The following ACSS3 variants were observed in gnomAD, a reference collection of about 807,000 sequenced individuals.
The protein encoded by ACSS3 is acyl-CoA synthetase short-chain family member 3, mitochondrial.
A neutral mutation model predicts 84.2 loss-of-function variants in ACSS3; 64 were observed. The ratio of observed to expected loss-of-function variants is 0.76; its 90% CI spans 0.62 to 0.94. ACSS3 has a LOEUF of 0.94. ACSS3 is among the 40% of genes least tolerant of loss of function. The pLI is 0.00. For missense variants in ACSS3, 815 were observed against 867.6 expected (o/e 0.94, Z 0.76); for synonymous variants, 317 against 310.1 (o/e 1.02, Z -0.23).
At chr12:81,165,024 G>A (rs1887332860) in intron 7 of ACSS3, among the ~76,000 whole-genome samples, 1 of 152,150 alleles carries the variant, frequency 6.6e-6, no homozygotes, top group Non-Finnish European at 1.5e-5. Context: ...GAAAAATGAT[G>A]ACTCAGCTAT....
chr12:81,198,515 T>C (rs2031947821), intron 8 of ACSS3, among the ~76,000 whole-genome samples: 1 of 151,148 alleles, frequency 6.6e-6, no homozygotes, highest in African/African-American at 2.4e-5. Flanking sequence ...ACTTTGATGA[T>C]AAATGAATTA....
intron 2 of ACSS3, chr12:81,125,514 T>C (rs1371163056): frequency 6.6e-6 from 1 of 152,242 alleles, no homozygotes; most frequent in Non-Finnish European, 1.5e-5. Context: ...TCTGCCCTCA[T>C]TTTCCTTTCT....
At chr12:81,171,948 T>G (rs1230676352) in intron 7 of ACSS3, among the ~76,000 whole-genome samples, 2 of 152,112 alleles carry the variant, frequency 1.3e-5, no homozygotes, top group African/African-American at 4.8e-5. Context: ...ACAGTGGTAT[T>G]TGTATAGCTA....
intron 10 of ACSS3, among the ~76,000 whole-genome samples, chr12:81,218,890 G>T (rs958819508): frequency 6.6e-6 from 1 of 151,646 alleles, no homozygotes; most frequent in Non-Finnish European, 1.5e-5. Context: ...TATGTTTTGT[G>T]ATTGTTTAGA....
chr12:81,120,194 A>C (rs897092406), intron 2 of ACSS3, among the ~76,000 whole-genome samples: 1 of 152,232 alleles, frequency 6.6e-6, no homozygotes, highest in Admixed American at 6.5e-5. Flanking sequence ...CTGAGAACAA[A>C]ACCAACTGCT....
chr12:81,085,278 C>T (rs912982183), intron 1 of ACSS3, among the ~76,000 whole-genome samples: 1 of 152,136 alleles, frequency 6.6e-6, no homozygotes, highest in African/African-American at 2.4e-5. Context: ...CTCAGTAGAT[C>T]TGTTTGTTCT....
At chr12:81,172,735 A>C (rs568016513) in intron 7 of ACSS3, among the ~76,000 whole-genome samples, 7 of 152,212 alleles carry the variant, frequency 4.6e-5, no homozygotes, top group Non-Finnish European at 1.0e-4. Flanking sequence ...TCTGCATTTA[A>C]TATCATTAAA....
intron 11 of ACSS3, among the ~76,000 whole-genome samples, chr12:81,221,577 A>C (rs574465341): frequency 1.3e-5 from 2 of 152,234 alleles, no homozygotes; most frequent in East Asian, 3.9e-4. Context: ...ACATGTAAGC[A>C]CTATATTACT....
chr12:81,238,243 T>C (rs2033688439), intron 13 of ACSS3, among the ~76,000 whole-genome samples: 1 of 151,598 alleles, frequency 6.6e-6, no homozygotes, highest in African/African-American at 2.4e-5. Context: ...TTCCACACAT[T>C]GGCATCTATG....
intron 2 of ACSS3, among the ~76,000 whole-genome samples, chr12:81,118,850 T>G (rs1884296852): frequency 6.6e-6 from 1 of 152,174 alleles, no homozygotes; most frequent in Non-Finnish European, 1.5e-5. Flanking sequence ...TTCAGGAATT[T>G]ATAGTTTGCC....
chr12:81,107,552 A>ATATATATATATATATATG, intron 1 of ACSS3, among the ~76,000 whole-genome samples: 1 of 103,374 alleles, frequency 9.7e-6, no homozygotes, highest in East Asian at 2.7e-4. Flanking sequence ...ATATATATAT[A>ATATATATATATATATATG]TATATATAAA....
chr12:81,221,045 A>G (rs1381655112), intron 11 of ACSS3, among the ~76,000 whole-genome samples: 2 of 152,038 alleles, frequency 1.3e-5, no homozygotes, highest in Non-Finnish European at 1.5e-5. Flanking sequence ...ACATTTTTTT[A>G]AATTATTGTT....
intron 8 of ACSS3, among the ~76,000 whole-genome samples, chr12:81,186,400 C>G (rs1308154006): frequency 6.6e-6 from 1 of 151,626 alleles, no homozygotes. Flanking sequence ...GCAAAGGAAA[C>G]AGCTAACAAA....
At chr12:81,142,282 T>A (rs951373116) in intron 4 of ACSS3, among the ~76,000 whole-genome samples, 4 of 152,180 alleles carry the variant, frequency 2.6e-5, no homozygotes, top group African/African-American at 9.7e-5. Context: ...TGAGCTCAGC[T>A]AACATCTAAG....
chr12:81,205,615 C>T (rs925549021), intron 9 of ACSS3, among the ~76,000 whole-genome samples: 10 of 151,990 alleles, frequency 6.6e-5, no homozygotes, highest in African/African-American at 2.4e-4. Flanking sequence ...TGAGGATTTG[C>T]TAGGTAAGGT....
intron 13 of ACSS3, among the ~76,000 whole-genome samples, chr12:81,244,476 C>T (rs180752793): frequency 4.5e-4 from 68 of 152,018 alleles, no homozygotes; most frequent in Non-Finnish European, 9.0e-4. Flanking sequence ...TTCTTTTCCT[C>T]TCATTACCGC....
chr12:81,163,140 G>A (rs936055654), intron 7 of ACSS3, among the ~76,000 whole-genome samples: 8 of 152,162 alleles, frequency 5.3e-5, no homozygotes, highest in Non-Finnish European at 1.2e-4. Flanking sequence ...TAGAATGATC[G>A]GTATAGAAAT....
At chr12:81,252,769 T>C (rs1206975626) in intron 13 of ACSS3, among the ~76,000 whole-genome samples, 1 of 152,098 alleles carries the variant, frequency 6.6e-6, no homozygotes, top group East Asian at 1.9e-4. Flanking sequence ...TCTCTCCATA[T>C]CCAGCCTCTT....
chr12:81,078,179 C>T lies in ACSS3; in HGVS notation c.59C>T (p.Pro20Leu). Residue 20 changes from proline (P) to leucine (L), a missense_variant, in exon 1 of 16, where the codon CCC (proline) becomes CTC (leucine). Physicochemically the swap from Pro to Leu is moderately conservative, Grantham distance 98 (BLOSUM62 -3). Coordinates refer to ENST00000548058, the MANE Select transcript of ACSS3 (RefSeq NM_024560.4). Reference sequence around the variant, plus strand: ...ACCAGCGCCGGGGGGCTCGGAGGGCCCTTGCCTGGGTCCTCTCCGGCCCGG... The same window carrying T: ...ACCAGCGCCGGGGGGCTCGGAGGGCTCTTGCCTGGGTCCTCTCCGGCCCGG... ...KVTSAGGLGGPLPGSSPARGA... is the reference protein window; with the variant it reads ...KVTSAGGLGGLLPGSSPARGA... The T allele has an allele frequency of 6.5e-7, 1 of 1,539,824 alleles. No homozygotes were observed. The highest frequency in any genetic ancestry group is 8.7e-7 in the Non-Finnish European group (1 of 1,147,616).
Sources: allele counts gnomAD v4.1 joint callset (sites outside exome capture counted in the v4.1 genomes callset), GRCh38; gene constraint gnomAD v4.1.1; transcripts MANE v1.5; gene names NCBI Gene and HGNC (gene_info 2026-07-23, HGNC 2026-07-21).